BPIFA2: variants seen among roughly 807,000 people sequenced by gnomAD.
BPIFA2 encodes BPI fold-containing family A member 2.
A neutral mutation model predicts 25.7 loss-of-function variants in BPIFA2; 20 were observed. The ratio of observed to expected loss-of-function variants is 0.78; its 90% CI spans 0.55 to 1.13. The LOEUF is 1.13. BPIFA2 is among the 50% of genes most tolerant of loss of function. BPIFA2 has a pLI of 0.00. For synonymous variants in BPIFA2, 126 were observed against 124.3 expected (o/e 1.01, Z -0.09); for missense variants, 300 against 298.1 (o/e 1.01, Z -0.05).
Position 33,170,153 on chromosome 20 carries a change from A to C in BPIFA2, c.157+851A>C, listed in dbSNP as rs536025309. On this transcript the variant is annotated intron_variant, in intron 2 of 8. Coordinates refer to ENST00000354932, the MANE Select transcript of BPIFA2 (RefSeq NM_080574.4). The stretch of plus-strand genomic sequence containing the variant: ...CCCAGAGACAGAAATGTCTAAACCA[A>C]AGTCACCTCGTGAATTATACGATTA... Among the ~76,000 whole-genome samples the C allele has an allele frequency of 2.0e-5, 3 of 152,310 alleles. No homozygotes were observed. The South Asian group carries it at 6.2e-4, about 32-fold the overall frequency.
chr20:33,172,890 C>A, intron 2 of BPIFA2, 42 bp from the exon 3 acceptor site: 2 of 1,599,040 alleles, frequency 1.3e-6, no homozygotes, highest in Non-Finnish European at 1.7e-6. Flanking sequence ...GTAGCTACTT[C>A]GTAAGTGGTG....
chr20:33,172,982 GCTT>G lies in BPIFA2; in HGVS notation c.209_211del (p.Ala70_Trp71delinsGly). 1 of 1,614,096 alleles carries G rather than the reference GCTT, an allele frequency of 6.2e-7. No homozygotes were observed. ...CCTAGGAGTGCTTCAGAAATCCAGT[GCTT>G]GGCAACTGGCCAAGCAGAAGGCCCA... On this transcript the variant is annotated inframe_deletion, in exon 3 of 9. Coordinates refer to ENST00000354932, the MANE Select transcript of BPIFA2 (RefSeq NM_080574.4).
intron 4 of BPIFA2, among the ~76,000 whole-genome samples, chr20:33,174,605 A>G (rs1211966115): frequency 1.3e-5 from 2 of 152,198 alleles, no homozygotes; most frequent in African/African-American, 4.8e-5. Context: ...TGTGCAAAAT[A>G]TAAGTTTAAA....
At position 33,174,123 on chromosome 20, in the gene BPIFA2, C is replaced by T. The variant is rs981420494; in HGVS notation, c.347C>T (p.Pro116Leu). 13 of 1,614,052 alleles carry T rather than the reference C, an allele frequency of 8.1e-6. No individual in the cohort carries two copies. The highest frequency in any genetic ancestry group is 5.3e-5 in the African/African-American group (4 of 74,918). The change falls in exon 4 of 9, where the codon CCG becomes CTG. Residue 116 changes from proline (P) to leucine (L), a missense_variant. Coordinates refer to ENST00000354932, the MANE Select transcript of BPIFA2 (RefSeq NM_080574.4). Reference protein sequence around the residue: ...NSLILDVKAEPIDDGKGLNLS... With the variant: ...NSLILDVKAELIDDGKGLNLS... ...CTCATCCTGGATGTCAAAGCTGAAC[C>T]GATCGATGATGGCAAAGGCCTTAAC...
chr20:33,164,561 CTT>C (rs1257024944), upstream of BPIFA2, among the ~76,000 whole-genome samples: 16 of 125,576 alleles, frequency 1.3e-4, no homozygotes, highest in Non-Finnish European at 2.2e-4. Context: ...CCCTCTCTCT[CTT>C]TCTTTCTTTC....
upstream of BPIFA2, among the ~76,000 whole-genome samples, chr20:33,165,513 C>G (rs570500319): frequency 6.6e-6 from 1 of 152,316 alleles, no homozygotes; most frequent in South Asian, 2.1e-4. Context: ...TCATGCAACC[C>G]CAGCCCTGTC....
At chr20:33,180,126 G>A (rs1305478291) in intron 7 of BPIFA2, among the ~76,000 whole-genome samples, 1 of 152,126 alleles carries the variant, frequency 6.6e-6, no homozygotes, top group Non-Finnish European at 1.5e-5. Context: ...GCTGAGGCGG[G>A]AGGATTGCTT....
In BPIFA2 at chr20:33,175,365, G is replaced by T. The variant is rs764928454; in HGVS notation, c.411-42G>T. 5 of 1,585,164 alleles carry T rather than the reference G, an allele frequency of 3.2e-6. No homozygotes were observed. The East Asian group carries it at 9.0e-5, about 29-fold the overall frequency. Reference sequence around the variant, plus strand: ...AGGAACCCAACTGGGCAACAGGCAGGAACTTCTAGACTTTGTTCACTGTGC... The same window carrying T: ...AGGAACCCAACTGGGCAACAGGCAGTAACTTCTAGACTTTGTTCACTGTGC... On this transcript the variant is annotated intron_variant, in intron 4 of 8. Transcript: ENST00000354932.
At chr20:33,176,881 C>T (rs988588286) in intron 5 of BPIFA2, among the ~76,000 whole-genome samples, 1 of 152,144 alleles carries the variant, frequency 6.6e-6, no homozygotes, top group African/African-American at 2.4e-5. Context: ...CTGGGGTGCT[C>T]TGGCTACCTA....
chr20:33,178,933 C>T (rs2146457734), intron 6 of BPIFA2, among the ~76,000 whole-genome samples: 1 of 152,304 alleles, frequency 6.6e-6, no homozygotes, highest in South Asian at 2.1e-4. Flanking sequence ...GCAAGAGATA[C>T]TCCGCTCTAC....
intron 3 of BPIFA2, among the ~76,000 whole-genome samples, chr20:33,173,548 C>T (rs1451997154): frequency 6.6e-6 from 1 of 152,092 alleles, no homozygotes; most frequent in Non-Finnish European, 1.5e-5. Flanking sequence ...TCTTGTTACC[C>T]AGGCTGGAGT....
rs189264093 is a variant in BPIFA2, at chr20:33,177,642, C to T, written c.564-505C>T. ...AATGAGTCCTGCAGAAAGCATTACC[C>T]TTAACTGGGCACTGTGATAGCAAAG... On this transcript the variant is annotated intron_variant, in intron 5 of 8. Coordinates refer to ENST00000354932, the MANE Select transcript of BPIFA2 (RefSeq NM_080574.4). Among the ~76,000 whole-genome samples the T allele has an allele frequency of 1.7e-3, 255 of 152,300 alleles. 3 individuals are homozygous for T. Among genetic ancestry groups the T allele is most frequent in the Non-Finnish European group, 9.7e-4 (66 of 68,030 alleles).
At chr20:33,172,288 G>T (rs1422603034) in intron 2 of BPIFA2, among the ~76,000 whole-genome samples, 2 of 152,114 alleles carry the variant, frequency 1.3e-5, no homozygotes, top group Non-Finnish European at 1.5e-5. Flanking sequence ...ACCTAATGCA[G>T]GTGGGGCTTA....
At chr20:33,176,631 G>A (rs79031883) in intron 5 of BPIFA2, among the ~76,000 whole-genome samples, 4,332 of 152,282 alleles carry the variant, frequency 0.028, 185 homozygotes, top group African/African-American at 0.096. Context: ...GCTGCACTAG[G>A]TCTGTGCCCA....
intron 5 of BPIFA2, among the ~76,000 whole-genome samples, chr20:33,176,330 A>T (rs575645715): frequency 6.6e-6 from 1 of 152,338 alleles, no homozygotes; most frequent in South Asian, 2.1e-4. Context: ...AGAAAGAGTG[A>T]TGCTGGCCGA....
upstream of BPIFA2, among the ~76,000 whole-genome samples, chr20:33,165,082 C>T (rs770949754): frequency 6.6e-6 from 1 of 152,244 alleles, no homozygotes; most frequent in African/African-American, 2.4e-5. Flanking sequence ...GAAGAAAACC[C>T]GGCAAAGTCA....
rs150791330 is a variant in BPIFA2 at position 33,172,957 on chromosome 20, C to A, written c.183C>A (p.Asp61Glu). 6.2e-6 allele frequency: 10 copies of A among 1,613,710 alleles called. No individual in the cohort carries two copies. The highest frequency in any genetic ancestry group is 8.5e-6 in the Non-Finnish European group (10 of 1,179,932). Residue 61 changes from aspartate to glutamate, a missense_variant, in exon 3 of 9, where the codon GAC (aspartate) becomes GAA (glutamate). By Grantham distance (45) the Asp-to-Glu change is conservative. Coordinates refer to ENST00000354932, the MANE Select transcript of BPIFA2 (RefSeq NM_080574.4). The part of the protein sequence containing the change: ...LKGILEKLKV[D>E]LGVLQKSSAW... ...GCATCCTTGAGAAACTGAAGGTCGA[C>A]CTAGGAGTGCTTCAGAAATCCAGTG...
intron 2 of BPIFA2, among the ~76,000 whole-genome samples, chr20:33,171,363 C>T (rs932887917): frequency 3.3e-5 from 5 of 152,094 alleles, no homozygotes; most frequent in South Asian, 2.1e-4. Context: ...TCTTCCTATC[C>T]GTGAGCATGG....
At chr20:33,163,453 G>C (rs1022852609), upstream of BPIFA2, among the ~76,000 whole-genome samples, 1 of 152,130 alleles carries the variant, frequency 6.6e-6, no homozygotes, top group Admixed American at 6.5e-5. Flanking sequence ...CAGGCTTGGG[G>C]CTGGGGGTGC....
Sources: allele counts gnomAD v4.1 joint callset (sites outside exome capture counted in the v4.1 genomes callset), GRCh38; gene constraint gnomAD v4.1.1; transcripts MANE v1.5; gene names NCBI Gene and HGNC (gene_info 2026-07-23, HGNC 2026-07-21).